The following CACNA2D1 variants were observed in gnomAD, a reference collection of about 807,000 sequenced individuals.
The protein encoded by CACNA2D1 is voltage-dependent calcium channel subunit alpha-2/delta-1.
CACNA2D1 carries 53 observed loss-of-function variants against 171.5 expected under a neutral mutation model. That is an observed-to-expected ratio of 0.31 (90% CI 0.25 to 0.39). CACNA2D1 has a LOEUF of 0.39. Among genes scored for constraint, CACNA2D1 ranks in the 10% least tolerant of loss-of-function variants. The pLI, the probability that CACNA2D1 is intolerant of heterozygous loss-of-function variation, is 1.00. For synonymous variants in CACNA2D1, 442 were observed against 443.1 expected (o/e 1.00, Z 0.03); for missense variants, 903 against 1,299.8 (o/e 0.69, Z 4.69).
At chr7:82,172,181 T>C (rs1299748901) in intron 3 of CACNA2D1, among the ~76,000 whole-genome samples, 1 of 152,038 alleles carries the variant, frequency 6.6e-6, no homozygotes, top group African/African-American at 2.4e-5. Context: ...TAGGAAATGT[T>C]AGAAATTGTA....
At chr7:82,276,355 A>C (rs1003061077) in intron 3 of CACNA2D1, among the ~76,000 whole-genome samples, 1 of 152,184 alleles carries the variant, frequency 6.6e-6, no homozygotes, top group African/African-American at 2.4e-5. Context: ...CATTTAGCCA[A>C]TCAGATGGAC....
intron 5 of CACNA2D1, among the ~76,000 whole-genome samples, chr7:82,128,628 A>T (rs1012968020): frequency 6.6e-6 from 1 of 152,202 alleles, no homozygotes; most frequent in African/African-American, 2.4e-5. Flanking sequence ...ACTCGAATGT[A>T]TCCTTCTTTC....
intron 1 of CACNA2D1, among the ~76,000 whole-genome samples, chr7:82,418,521 A>C (rs1296721748): frequency 6.6e-6 from 1 of 152,110 alleles, no homozygotes; most frequent in Admixed American, 6.5e-5. Flanking sequence ...TTACTTTTTG[A>C]TAGAATAAAG....
chr7:82,283,640 A>G (rs981003776), intron 3 of CACNA2D1, among the ~76,000 whole-genome samples: 1 of 151,858 alleles, frequency 6.6e-6, no homozygotes, highest in African/African-American at 2.4e-5. Flanking sequence ...GAAGATTCTT[A>G]TATACTAACA....
Position 82,038,221 on chromosome 7 carries a change from A to G in CACNA2D1, c.894T>C (p.Ala298=). Residue 298 remains alanine (A), a synonymous_variant, in exon 11 of 39, where the codon GCT becomes GCC. Transcript: ENST00000356860. ...GGTGCTGAAAACAGCTTACATCCTG[A>G]GCATTGCTGTTAAACTGCAAAAGAT... The part of the protein sequence containing the change: ...FVNVASFNSN[A]QDVSCFQHLV... The G allele has an allele frequency of 6.2e-7, 1 of 1,613,330 alleles. No homozygotes were observed. The highest frequency in any genetic ancestry group is 1.1e-5 in the South Asian group (1 of 91,050).
intron 4 of CACNA2D1, among the ~76,000 whole-genome samples, chr7:82,158,657 C>T (rs1268013890): frequency 2.0e-5 from 3 of 151,848 alleles, no homozygotes; most frequent in East Asian, 1.9e-4. Context: ...ATCAAAATAA[C>T]TTGTGCTACT....
chr7:82,333,053 C>T (rs974092960), intron 3 of CACNA2D1, among the ~76,000 whole-genome samples: 1 of 151,864 alleles, frequency 6.6e-6, no homozygotes, highest in African/African-American at 2.4e-5. Flanking sequence ...TTATATCTAA[C>T]AAAAGATGTA....
chr7:82,043,865 G>T (rs1002491793), intron 10 of CACNA2D1, among the ~76,000 whole-genome samples: 1 of 152,162 alleles, frequency 6.6e-6, no homozygotes, highest in Admixed American at 6.5e-5. Flanking sequence ...ATGGCAACTA[G>T]AACACATCTT....
chr7:82,254,279 T>C (rs529844161), intron 3 of CACNA2D1, among the ~76,000 whole-genome samples: 2 of 152,120 alleles, frequency 1.3e-5, no homozygotes, highest in South Asian at 4.1e-4. Flanking sequence ...TATACTACCA[T>C]ATGTTTGTAA....
At chr7:82,091,173 C>T (rs1207993717) in intron 6 of CACNA2D1, among the ~76,000 whole-genome samples, 2 of 152,156 alleles carry the variant, frequency 1.3e-5, no homozygotes, top group East Asian at 3.9e-4. Flanking sequence ...GGAATCTCAT[C>T]TAATCCCAGT....
At chr7:82,249,030 T>C (rs1344174276) in intron 3 of CACNA2D1, among the ~76,000 whole-genome samples, 1 of 150,922 alleles carries the variant, frequency 6.6e-6, no homozygotes, top group Non-Finnish European at 1.5e-5. Context: ...GGCAGGAGAA[T>C]GGCGTAACCT....
intron 1 of CACNA2D1, among the ~76,000 whole-genome samples, chr7:82,385,260 G>A (rs1013093356): frequency 6.6e-6 from 1 of 152,220 alleles, no homozygotes; most frequent in Non-Finnish European, 1.5e-5. Flanking sequence ...AGAAAGTTCA[G>A]AATGTCAAAT....
intron 3 of CACNA2D1, among the ~76,000 whole-genome samples, chr7:82,334,333 C>T (rs969698500): frequency 6.6e-6 from 1 of 152,114 alleles, no homozygotes; most frequent in African/African-American, 2.4e-5. Flanking sequence ...CCTGTATTGA[C>T]CCTACAGATA....
intron 3 of CACNA2D1, among the ~76,000 whole-genome samples, chr7:82,219,114 T>C (rs1364983359): frequency 6.6e-6 from 1 of 152,100 alleles, no homozygotes; most frequent in East Asian, 1.9e-4. Context: ...GAATTTACAA[T>C]GGTCTGAGGT....
intron 1 of CACNA2D1, among the ~76,000 whole-genome samples, chr7:82,361,416 G>A (rs1821065638): frequency 6.6e-6 from 1 of 152,094 alleles, no homozygotes; most frequent in Admixed American, 6.5e-5. Flanking sequence ...TGAACCATTA[G>A]TGCAAAGTTT....
intron 1 of CACNA2D1, among the ~76,000 whole-genome samples, chr7:82,403,813 T>C (rs1197559292): frequency 1.3e-5 from 2 of 152,182 alleles, no homozygotes; most frequent in Non-Finnish European, 2.9e-5. Flanking sequence ...CAGTGGCTAA[T>C]TGTTCCACTA....
chr7:82,038,639 T>C (rs370892172), intron 10 of CACNA2D1, among the ~76,000 whole-genome samples: 1 of 152,186 alleles, frequency 6.6e-6, no homozygotes, highest in East Asian at 1.9e-4. Flanking sequence ...TTGCCTCTTA[T>C]TAGGAAAGAC....
intron 12 of CACNA2D1, among the ~76,000 whole-genome samples, chr7:82,027,472 A>G (rs189779413): frequency 5.8e-4 from 88 of 151,780 alleles, no homozygotes; most frequent in African/African-American, 2.1e-3. Context: ...TCTTTTCAAG[A>G]TCTCTATCAA....
intron 4 of CACNA2D1, among the ~76,000 whole-genome samples, chr7:82,158,184 T>C (rs1350419912): frequency 6.6e-6 from 1 of 151,830 alleles, no homozygotes; most frequent in Non-Finnish European, 1.5e-5. Flanking sequence ...ATGTAAACTA[T>C]ATATATAATG....
Sources: gnomAD v4.1 joint callset for allele counts (sites outside exome capture counted in the v4.1 genomes callset) on GRCh38, gnomAD v4.1.1 for gene constraint, MANE v1.5 for transcripts, NCBI Gene and HGNC (gene_info 2026-07-23, HGNC 2026-07-21) for gene names.